NDUFA10: variants seen among roughly 807,000 people sequenced by gnomAD.
The protein encoded by NDUFA10 is NADH dehydrogenase [ubiquinone] 1 alpha subcomplex subunit 10, mitochondrial.
A neutral mutation model predicts 47.8 loss-of-function variants in NDUFA10; 40 were observed. That is an observed-to-expected ratio of 0.84 (90% confidence interval 0.65 to 1.09). The LOEUF is 1.09. Ranked by LOEUF, NDUFA10 falls within the 50% of genes least tolerant of loss-of-function variation. The pLI, the probability that NDUFA10 is intolerant of heterozygous loss-of-function variation, is 0.00. For synonymous variants in NDUFA10, 183 were observed against 172.2 expected (o/e 1.06, Z -0.49); for missense variants, 413 against 451.1 (o/e 0.92, Z 0.76).
At position 239,959,892 on chromosome 2, in the gene NDUFA10, T is replaced by C; in HGVS notation, c.*1226A>G. The C allele has an allele frequency of 1.0e-6, 1 of 985,264 alleles. No individual in the cohort carries two copies. The highest frequency in any genetic ancestry group is 4.7e-5 in the South Asian group (1 of 21,278). 61.0% of individuals were successfully genotyped at this position (985,264 alleles called of 1,614,324 possible). ...GGCGGACGCAAGGAGGGAAGGAGTG[T>C]GCATCTTCTTCGCATGCTCCGCAGC... On this transcript the variant is annotated 3_prime_UTR_variant, in exon 10 of 10. Transcript: ENST00000252711.
intron 5 of NDUFA10, 24 bp from the exon 6 acceptor site, chr2:240,011,720 A>G (rs755050310): frequency 3.5e-5 from 55 of 1,568,656 alleles, no homozygotes; most frequent in Non-Finnish European, 4.4e-5. Context: ...GAAAAATCAA[A>G]CTGGGAAACA....
intron 4 of NDUFA10, among the ~76,000 whole-genome samples, chr2:239,905,299 G>A (rs1280116066): frequency 6.6e-6 from 1 of 152,204 alleles, no homozygotes; most frequent in African/African-American, 2.4e-5. Flanking sequence ...TCTCACAGAG[G>A]ACAGAGGAGG....
chr2:239,954,729 A>G (rs1694619722), downstream of NDUFA10, among the ~76,000 whole-genome samples: 1 of 152,230 alleles, frequency 6.6e-6, no homozygotes, highest in African/African-American at 2.4e-5. Flanking sequence ...CCAGCTAAAA[A>G]ATAGCATTTT....
chr2:239,956,391 T>G (rs970073804), downstream of NDUFA10, among the ~76,000 whole-genome samples: 1 of 152,130 alleles, frequency 6.6e-6, no homozygotes, highest in African/African-American at 2.4e-5. Context: ...AGGGGGTAGA[T>G]CCAAAGCGTG....
intron 4 of NDUFA10, among the ~76,000 whole-genome samples, chr2:239,950,197 C>A (rs1694528238): frequency 1.3e-5 from 2 of 152,182 alleles, no homozygotes; most frequent in South Asian, 4.1e-4. Flanking sequence ...CTTTGGTCCA[C>A]CCTCAGCAGT....
At chr2:239,910,738 T>G (rs1251819470) in intron 4 of NDUFA10, among the ~76,000 whole-genome samples, 1 of 151,182 alleles carries the variant, frequency 6.6e-6, no homozygotes, top group Non-Finnish European at 1.5e-5. Context: ...AAGAAAAAAA[T>G]AATAATCATG....
At chr2:239,962,052 G>A (rs924073914) in intron 9 of NDUFA10, among the ~76,000 whole-genome samples, 1 of 152,230 alleles carries the variant, frequency 6.6e-6, no homozygotes, top group African/African-American at 2.4e-5. Flanking sequence ...GCACAGGGCT[G>A]GCTGAGACGG....
intron 9 of NDUFA10, among the ~76,000 whole-genome samples, chr2:239,981,170 C>T (rs1695758072): frequency 6.6e-6 from 1 of 152,204 alleles, no homozygotes; most frequent in Admixed American, 6.5e-5. Flanking sequence ...TACTAAAATA[C>T]TAGCTGCTCT....
At chr2:239,897,596 G>C (rs1372241378) in intron 4 of NDUFA10, among the ~76,000 whole-genome samples, 1 of 152,238 alleles carries the variant, frequency 6.6e-6, no homozygotes, top group Admixed American at 6.5e-5. Flanking sequence ...CATACTTGAT[G>C]AAGTGCTGGA....
intron 4 of NDUFA10, among the ~76,000 whole-genome samples, chr2:239,909,569 C>T (rs1222367133): frequency 6.6e-6 from 1 of 152,124 alleles, no homozygotes; most frequent in Non-Finnish European, 1.5e-5. Context: ...GCCGAGATCG[C>T]ACCACTGCAC....
chr2:239,925,439 A>G (rs1306626143), intron 4 of NDUFA10, among the ~76,000 whole-genome samples: 1 of 152,228 alleles, frequency 6.6e-6, no homozygotes, highest in African/African-American at 2.4e-5. Flanking sequence ...TAGTCTTTCT[A>G]CAAATAAATG....
chr2:240,018,466 T>A (rs1327492985), intron 4 of NDUFA10, 87 bp downstream of exon 4: 1 of 1,611,304 alleles, frequency 6.2e-7, no homozygotes, highest in African/African-American at 1.3e-5. Context: ...CAGACATTCA[T>A]AAACACAGTA....
Position 239,990,079 on chromosome 2 carries a change from T to C in NDUFA10, c.994A>G (p.Arg332Gly), listed in dbSNP as rs758042753. ...CTCCATTTCCACAGTCTTACCTCTC[T>C]GAACTGATGTAAGACACGGTCAGTC... ...HQTDRVLHQF[R>G]ELPGRKYSPG... Residue 332 changes from arginine (R) to glycine (G), a missense_variant, in exon 9 of 10, where the codon AGA becomes GGA. By Grantham distance (125) the Arg-to-Gly change is moderately radical. Coordinates refer to ENST00000252711, the MANE Select transcript of NDUFA10 (RefSeq NM_004544.4). The C allele has an allele frequency of 1.2e-6, 2 of 1,606,030 alleles. No individual in the cohort carries two copies. Among genetic ancestry groups the C allele is most frequent in the South Asian group, 1.1e-5 (1 of 90,920 alleles).
At chr2:239,978,518 A>G (rs77458919) in intron 9 of NDUFA10, among the ~76,000 whole-genome samples, 11,720 of 152,124 alleles carry the variant, frequency 0.077, 537 homozygotes, top group Admixed American at 0.14. Flanking sequence ...TTCAGCAGAA[A>G]GCTCTTCTGA....
chr2:239,992,719 G>C (rs1398623576), intron 8 of NDUFA10, among the ~76,000 whole-genome samples: 1 of 152,180 alleles, frequency 6.6e-6, no homozygotes, highest in African/African-American at 2.4e-5. Context: ...ACCAGCCCAA[G>C]CAGGCGCCAG....
chr2:239,901,244 G>A (rs889871941), intron 4 of NDUFA10, among the ~76,000 whole-genome samples: 8 of 152,070 alleles, frequency 5.3e-5, no homozygotes, highest in Non-Finnish European at 7.4e-5. Flanking sequence ...GCAGTGGCTC[G>A]CATCTGTAAT....
At chr2:239,984,076 T>C (rs1368537778) in intron 9 of NDUFA10, among the ~76,000 whole-genome samples, 1 of 151,778 alleles carries the variant, frequency 6.6e-6, no homozygotes, top group Non-Finnish European at 1.5e-5. Context: ...CTACTAAAAA[T>C]ACAAAAATTA....
intron 8 of NDUFA10, among the ~76,000 whole-genome samples, chr2:239,998,759 T>C (rs1330558160): frequency 6.6e-6 from 1 of 152,172 alleles, no homozygotes; most frequent in African/African-American, 2.4e-5. Context: ...ACTGCCCATA[T>C]GTTACTGTAT....
chr2:239,918,008 G>C (rs1418568500), intron 4 of NDUFA10, among the ~76,000 whole-genome samples: 2 of 152,118 alleles, frequency 1.3e-5, no homozygotes, highest in Non-Finnish European at 2.9e-5. Flanking sequence ...CGGCAGCCCA[G>C]CAGCCCTGGA....
Sources: allele counts gnomAD v4.1 joint callset (sites outside exome capture counted in the v4.1 genomes callset), GRCh38; gene constraint gnomAD v4.1.1; transcripts MANE v1.5; gene names NCBI Gene and HGNC (gene_info 2026-07-23, HGNC 2026-07-21).